The following NME7 variants were observed in gnomAD, a reference collection of about 807,000 sequenced individuals.
NME7 encodes nucleoside diphosphate kinase 7.
Under a neutral mutation model 49.1 loss-of-function variants are expected in NME7, and 41 were observed. That is an observed-to-expected ratio of 0.83 (90% CI 0.65 to 1.08). The LOEUF (loss-of-function observed/expected upper bound fraction) is 1.08. NME7 is among the 50% of genes least tolerant of loss of function. The pLI is 0.00. For missense variants in NME7, 423 were observed against 463.4 expected, an observed-to-expected ratio of 0.91 and a Z score of 0.80; for synonymous variants, 139 against 150.6, an observed-to-expected ratio of 0.92 and a Z score of 0.56.
Position 169,323,302 on chromosome 1 carries a change from A to G in NME7, c.112-19T>C. The G allele has an allele frequency of 2.0e-6, 3 of 1,490,662 alleles. No homozygotes were observed. The highest frequency in any genetic ancestry group is 2.7e-6 in the Non-Finnish European group (3 of 1,121,846). 92.3% of individuals were successfully genotyped at this position (1,490,662 alleles called of 1,614,324 possible). ...CATCATGCTAGAACCAGACACAACAATATAACAAACAAACAAAAAAAGTTA... is the reference window on the plus strand; with the variant it reads ...CATCATGCTAGAACCAGACACAACAGTATAACAAACAAACAAAAAAAGTTA... On this transcript the variant is annotated intron_variant, in intron 2 of 11. Coordinates refer to ENST00000367811, the MANE Select transcript of NME7 (RefSeq NM_013330.5).
At chr1:169,137,118 T>G (rs1427190723) in intron 11 of NME7, among the ~76,000 whole-genome samples, 4 of 152,256 alleles carry the variant, frequency 2.6e-5, no homozygotes, top group Admixed American at 2.0e-4. Flanking sequence ...AATATGATAC[T>G]GAGTTTTAAA....
chr1:169,361,732 A>G (rs1242451478), intron 1 of NME7, among the ~76,000 whole-genome samples: 2 of 151,860 alleles, frequency 1.3e-5, no homozygotes, highest in East Asian at 1.9e-4. Context: ...GTGAGTGGAA[A>G]TCGCGCCACT....
chr1:169,188,988 T>A (rs1294348573), intron 10 of NME7, among the ~76,000 whole-genome samples: 1 of 152,178 alleles, frequency 6.6e-6, no homozygotes, highest in Non-Finnish European at 1.5e-5. Flanking sequence ...ATAATTTGAT[T>A]GGGTGGAAGT....
chr1:169,242,172 A>G (rs1648116240), intron 7 of NME7, among the ~76,000 whole-genome samples: 1 of 151,988 alleles, frequency 6.6e-6, no homozygotes, highest in Non-Finnish European at 1.5e-5. Flanking sequence ...ATTTAGCAAC[A>G]TATACAAAGA....
chr1:169,233,688 C>T (rs1343473723), intron 9 of NME7, among the ~76,000 whole-genome samples: 1 of 152,048 alleles, frequency 6.6e-6, no homozygotes, highest in African/African-American at 2.4e-5. Context: ...AGTGTATCCC[C>T]CAAAGCCATT....
At chr1:169,144,513 C>G (rs1275307691) in intron 11 of NME7, among the ~76,000 whole-genome samples, 1 of 152,120 alleles carries the variant, frequency 6.6e-6, no homozygotes, top group Middle Eastern at 3.4e-3. Flanking sequence ...GATCAACCTC[C>G]TAGCATTTAC....
At chr1:169,301,707 G>GTATATA (rs3060581) in intron 5 of NME7, among the ~76,000 whole-genome samples, 110 of 151,594 alleles carry the variant, frequency 7.3e-4, no homozygotes, top group African/African-American at 2.3e-3. Context: ...AGAAAATGTG[G>GTATATA]TATATATATA....
intron 4 of NME7, among the ~76,000 whole-genome samples, chr1:169,304,982 T>G (rs984226417): frequency 1.3e-5 from 2 of 152,174 alleles, no homozygotes; most frequent in African/African-American, 4.8e-5. Flanking sequence ...TCTAAGCTTT[T>G]CAAACGCAAA....
intron 1 of NME7, among the ~76,000 whole-genome samples, chr1:169,348,054 G>A (rs144079751): frequency 6.6e-6 from 1 of 152,264 alleles, no homozygotes; most frequent in African/African-American, 2.4e-5. Context: ...AAAAGAATGA[G>A]TCTTTTTGAA....
chr1:169,133,940 C>T (rs1318785434), intron 11 of NME7, among the ~76,000 whole-genome samples: 2 of 152,210 alleles, frequency 1.3e-5, no homozygotes, highest in South Asian at 2.1e-4. Context: ...TATAAGGTCA[C>T]GACCTTGGTG....
chr1:169,252,337 T>C (rs1012599467), intron 7 of NME7, among the ~76,000 whole-genome samples: 194 of 152,236 alleles, frequency 1.3e-3, no homozygotes, highest in African/African-American at 4.4e-3. Flanking sequence ...TTTCATGTGT[T>C]TTTTGGCAGC....
intron 7 of NME7, among the ~76,000 whole-genome samples, chr1:169,247,520 G>A (rs571959949): frequency 2.6e-5 from 4 of 152,130 alleles, no homozygotes; most frequent in East Asian, 3.8e-4. Context: ...TGGGGTACAA[G>A]TGGTTTTGGT....
intron 6 of NME7, among the ~76,000 whole-genome samples, chr1:169,291,622 G>A (rs535223926): frequency 1.6e-4 from 24 of 150,906 alleles, no homozygotes; most frequent in African/African-American, 3.4e-4. Flanking sequence ...TGCACGTTAC[G>A]CACATGTATC....
intron 1 of NME7, among the ~76,000 whole-genome samples, chr1:169,345,636 A>T (rs1343651225): frequency 6.6e-6 from 1 of 152,158 alleles, no homozygotes; most frequent in Non-Finnish European, 1.5e-5. Flanking sequence ...TTAGAGTGTC[A>T]GCATACTCTA....
At chr1:169,366,843 T>C (rs1653881111) in intron 1 of NME7, among the ~76,000 whole-genome samples, 1 of 151,994 alleles carries the variant, frequency 6.6e-6, no homozygotes, top group African/African-American at 2.4e-5. Context: ...ACCAAAAGGA[T>C]TGCTGAGTAG....
At chr1:169,348,723 C>T (rs187348292) in intron 1 of NME7, among the ~76,000 whole-genome samples, 1 of 152,130 alleles carries the variant, frequency 6.6e-6, no homozygotes, top group East Asian at 1.9e-4. Flanking sequence ...TCAATTTTAG[C>T]CCTGTAGTTA....
intron 1 of NME7, among the ~76,000 whole-genome samples, chr1:169,338,363 C>G (rs1420606035): frequency 6.6e-6 from 1 of 152,158 alleles, no homozygotes; most frequent in Non-Finnish European, 1.5e-5. Flanking sequence ...AACACAAACA[C>G]CTGTATTTCC....
At chr1:169,216,937 G>C (rs1660988845) in intron 10 of NME7, among the ~76,000 whole-genome samples, 1 of 152,148 alleles carries the variant, frequency 6.6e-6, no homozygotes, top group Admixed American at 6.5e-5. Flanking sequence ...TTTTTGTAGA[G>C]AGTAGCTCTT....
At chr1:169,287,244 G>T (rs1650310478) in intron 7 of NME7, 59 bp downstream of exon 7, 1 of 1,325,552 alleles carries the variant, frequency 7.5e-7, no homozygotes, top group Non-Finnish European at 1.1e-6. Context: ...AGTACATCAA[G>T]AAAATAAACA....
Sources: gnomAD v4.1 joint callset for allele counts (sites outside exome capture counted in the v4.1 genomes callset) on GRCh38, gnomAD v4.1.1 for gene constraint, MANE v1.5 for transcripts, NCBI Gene and HGNC (gene_info 2026-07-23, HGNC 2026-07-21) for gene names.